Variants in MYLK observed in about 807,000 individuals in gnomAD.
MYLK encodes myosin light chain kinase, smooth muscle.
A neutral mutation model predicts 203.4 loss-of-function variants in MYLK; 106 were observed. The observed-to-expected ratio is 0.52, with a 90% CI of 0.45 to 0.61. The LOEUF (loss-of-function observed/expected upper bound fraction) is 0.61, where lower values mean the gene tolerates loss of function less well. MYLK is among the 20% of genes least tolerant of loss of function. MYLK has a pLI of 0.00. For missense variants in MYLK, 2,072 were observed against 2,442.3 expected (o/e 0.85, Z 3.20); for synonymous variants, 867 against 959.5 (o/e 0.90, Z 1.78).
chr3:123,686,198 C>G (rs59608322), intron 19 of MYLK, among the ~76,000 whole-genome samples: 19,765 of 152,168 alleles, frequency 0.13, 1,696 homozygotes, highest in East Asian at 0.44. Context: ...ATTTCTAGAT[C>G]TAGGCCCCCA....
chr3:123,648,867 G>C lies in MYLK; in HGVS notation c.4415+104C>G, dbSNP rs2059112257. ...TGCAGGACTCTCAGTCTGGGGAGGA[G>C]GCAGGCCCCAGGGAGCAACAGGAAG... On this transcript the variant is annotated intron_variant, in intron 26 of 33. Transcript: ENST00000360304. This position sits in a 1 kb window ranked among gnomAD's most constrained non-coding sequence, Gnocchi z 4.5. 1.1e-6 allele frequency: 1 copy of C among 947,866 alleles called. No individual in the cohort carries two copies. Among genetic ancestry groups the C allele is most frequent in the African/African-American group, 1.6e-5 (1 of 62,240 alleles). 58.7% of individuals were successfully genotyped at this position (947,866 alleles called of 1,614,324 possible).
intron 22 of MYLK, 151 bp from the exon 23 acceptor site, chr3:123,664,409 A>T: frequency 3.1e-6 from 3 of 973,602 alleles, no homozygotes; most frequent in Non-Finnish European, 4.6e-6. Context: ...CTTCTCCCTG[A>T]GGCCCCTTCT....
chr3:123,693,887 A>C (rs2060792169), intron 18 of MYLK, among the ~76,000 whole-genome samples: 1 of 152,200 alleles, frequency 6.6e-6, no homozygotes, highest in African/African-American at 2.4e-5. Flanking sequence ...TCAGGGAAGC[A>C]ACCGTCACAC....
intron 16 of MYLK, among the ~76,000 whole-genome samples, chr3:123,705,479 G>T (rs2061426681): frequency 6.6e-6 from 1 of 152,228 alleles, no homozygotes; most frequent in Non-Finnish European, 1.5e-5. Flanking sequence ...TAAGTCAAAA[G>T]ATGAGGGCTT....
chr3:123,863,387 A>AGGTAAAAC (rs1290723562), intron 2 of MYLK, among the ~76,000 whole-genome samples: 1 of 150,014 alleles, frequency 6.7e-6, no homozygotes, highest in Non-Finnish European at 1.5e-5. Flanking sequence ...AAAAAAAAAA[A>AGGTAAAAC]GGTAAAACTT....
At chr3:123,770,260 G>A (rs1478163577) in intron 4 of MYLK, among the ~76,000 whole-genome samples, 2 of 152,140 alleles carry the variant, frequency 1.3e-5, no homozygotes, top group Non-Finnish European at 2.9e-5. Flanking sequence ...AGAGGCAGAG[G>A]TTGCAGTGAG....
intron 29 of MYLK, among the ~76,000 whole-genome samples, chr3:123,634,792 G>C (rs2058576737): frequency 6.6e-6 from 1 of 152,208 alleles, no homozygotes; most frequent in Non-Finnish European, 1.5e-5. Context: ...AGACAGCAGG[G>C]GGAGGAGGGC....
chr3:123,729,527 A>G (rs1170770389), intron 11 of MYLK, among the ~76,000 whole-genome samples: 1 of 152,234 alleles, frequency 6.6e-6, no homozygotes, highest in Middle Eastern at 3.2e-3. Flanking sequence ...AGATATACAA[A>G]TGTCCAATAA....
In MYLK at chr3:123,657,341, T is replaced by A; in HGVS notation, c.4073A>T (p.Asp1358Val). 1 of 1,614,060 alleles carries A rather than the reference T, an allele frequency of 6.2e-7. No homozygotes were observed. The highest frequency in any genetic ancestry group is 8.5e-7 in the Non-Finnish European group (1 of 1,180,030). ...LTLSWYGSSY[D>V]GGSAVQSYSI... The stretch of plus-strand genomic sequence containing the variant: ...GTAGGACTGTACAGCACTGCCCCCA[T>A]CATATGAGGAGCCATACCAGGACAG... The change falls in exon 24 of 34, where the codon GAT becomes GTT. Residue 1358 changes from aspartate to valine, a missense_variant. By Grantham distance (152) the Asp-to-Val change is radical (BLOSUM62 -3). This residue lies in a region of MYLK where 524 missense variants were observed against 782.4 expected (regional missense o/e 0.67). Coordinates refer to ENST00000360304, the MANE Select transcript of MYLK (RefSeq NM_053025.4).
intron 26 of MYLK, among the ~76,000 whole-genome samples, chr3:123,647,851 C>T (rs2059076454): frequency 6.6e-6 from 1 of 152,110 alleles, no homozygotes; most frequent in African/African-American, 2.4e-5. Flanking sequence ...CACACCTGGC[C>T]TTTGAAGCAC....
chr3:123,708,441 C>G (rs1299210087), intron 15 of MYLK, among the ~76,000 whole-genome samples: 1 of 152,206 alleles, frequency 6.6e-6, no homozygotes, highest in African/African-American at 2.4e-5. Context: ...AGATTTCCCT[C>G]TTAGTACTCT....
chr3:123,731,783 T>TTA (rs2062484366), intron 11 of MYLK, among the ~76,000 whole-genome samples: 2 of 149,832 alleles, frequency 1.3e-5, no homozygotes, highest in Admixed American at 6.7e-5. Context: ...GATGAACTTA[T>TTA]AAAAAAAAAA....
chr3:123,717,549 A>G (rs1342557844), intron 13 of MYLK, among the ~76,000 whole-genome samples: 1 of 152,184 alleles, frequency 6.6e-6, no homozygotes, highest in Admixed American at 6.5e-5. Context: ...CTGGCAGGCT[A>G]TTAATAAATC....
At chr3:123,631,222 G>C (rs187139840) in intron 29 of MYLK, among the ~76,000 whole-genome samples, 30 of 152,016 alleles carry the variant, frequency 2.0e-4, no homozygotes, top group African/African-American at 7.2e-4. Flanking sequence ...ACACGGTGAA[G>C]TCCTGTCTCT....
At chr3:123,676,241 C>G (rs552132810) in intron 20 of MYLK, among the ~76,000 whole-genome samples, 31 of 152,326 alleles carry the variant, frequency 2.0e-4, no homozygotes, top group Admixed American at 1.8e-3. Flanking sequence ...AGGCACTATT[C>G]CTCCTCCCAG....
rs370513596 is a variant in MYLK, at chr3:123,683,801, TGTGACGGG to T, written c.3566-1499_3566-1492del. Reference sequence around the variant, plus strand: ...CCTTAAGTAGGACTACTTAGCAGTATGTGACGGGGTGTTGGGGGGAGCAGACAGCCAAA... The same window carrying T: ...CCTTAAGTAGGACTACTTAGCAGTATGTGTTGGGGGGAGCAGACAGCCAAA... On this transcript the variant is annotated intron_variant, in intron 19 of 33. Coordinates refer to ENST00000360304, the MANE Select transcript of MYLK (RefSeq NM_053025.4). 3.7e-3 allele frequency among the ~76,000 whole-genome samples: 556 copies of T among 152,198 alleles called. 3 individuals carry two copies. Among genetic ancestry groups the T allele is most frequent in the African/African-American group, 0.013 (529 of 41,514 alleles).
intron 11 of MYLK, among the ~76,000 whole-genome samples, chr3:123,727,737 T>C (rs1264075949): frequency 4.6e-5 from 7 of 152,116 alleles, no homozygotes; most frequent in Admixed American, 2.6e-4. Flanking sequence ...TTTTTCAGCA[T>C]AGGGACAACT....
intron 6 of MYLK, 41 bp downstream of exon 6, chr3:123,739,912 G>A (rs1335759635): frequency 1.2e-6 from 2 of 1,609,346 alleles, no homozygotes; most frequent in African/African-American, 2.7e-5. Context: ...CAGCAGGAAA[G>A]CAATCCAACC....
At chr3:123,670,695 T>C (rs2059887534) in intron 20 of MYLK, among the ~76,000 whole-genome samples, 1 of 152,098 alleles carries the variant, frequency 6.6e-6, no homozygotes, top group African/African-American at 2.4e-5. Flanking sequence ...GTAGCTATGA[T>C]TTTGCCACTA....
Sources: gnomAD v4.1 joint callset for allele counts (sites outside exome capture counted in the v4.1 genomes callset) on GRCh38, gnomAD v4.1.1 for gene constraint, gnomAD v4.1.1 regional missense constraint, Gnocchi (gnomAD v3.1) non-coding constraint, MANE v1.5 for transcripts, NCBI Gene and HGNC (gene_info 2026-07-23, HGNC 2026-07-21) for gene names.